GOSR2: variants seen among roughly 807,000 people sequenced by gnomAD.
The protein encoded by GOSR2 is 27 kDa Golgi SNARE protein.
A neutral mutation model predicts 27.9 loss-of-function variants in GOSR2; 20 were observed. That is an observed-to-expected ratio of 0.72 (90% CI 0.50 to 1.04). GOSR2 has a LOEUF of 1.04. Among genes scored for constraint, GOSR2 ranks in the 50% least tolerant of loss-of-function variants. The probability of loss-of-function intolerance (pLI) is 0.00; values close to 1 mark genes in which losing one functional copy is unlikely to be tolerated. For missense variants in GOSR2, 261 were observed against 270.5 expected (o/e 0.97, Z 0.25); for synonymous variants, 91 against 98.8 (o/e 0.92, Z 0.47).
chr17:46,974,987 C>CTTTTTTTT (rs58438726), intron 6 of GOSR2, among the ~76,000 whole-genome samples: 50 of 119,058 alleles, frequency 4.2e-4, no homozygotes, highest in African/African-American at 7.7e-4. Context: ...TTACTATTTT[C>CTTTTTTTT]TTTTTTTTTT....
At chr17:46,954,522 T>A (rs1249988670) in intron 6 of GOSR2, among the ~76,000 whole-genome samples, 2 of 152,206 alleles carry the variant, frequency 1.3e-5, no homozygotes, top group Non-Finnish European at 2.9e-5. Flanking sequence ...CTTTTTTGGT[T>A]CCATATGAAC....
chr17:46,975,029 A>G (rs956586903), intron 6 of GOSR2, among the ~76,000 whole-genome samples: 2 of 137,666 alleles, frequency 1.5e-5, no homozygotes, highest in African/African-American at 5.6e-5. Flanking sequence ...CAGGGAATCC[A>G]TTTCAGAGAA....
intron 1 of GOSR2, among the ~76,000 whole-genome samples, chr17:46,928,743 A>G (rs10853086): frequency 0.62 from 94,532 of 151,938 alleles, 29,678 homozygotes; most frequent in Middle Eastern, 0.68. Flanking sequence ...CCTCTCCCCC[A>G]ACCCGATTCC....
chr17:46,935,344 AAGTACCC>A (rs2088135548), intron 5 of GOSR2, 175 bp downstream of exon 5: 2 of 1,471,532 alleles, frequency 1.4e-6, no homozygotes, highest in South Asian at 2.9e-5. Context: ...GTGAGCCTGA[AAGTACCC>A]AGTTCCTTTG....
chr17:46,966,745 T>C, exon 7 of GOSR2: 1 of 479,420 alleles, frequency 2.1e-6, no homozygotes. Context: ...TTGTGCCTTG[T>C]TTCATTAAGT....
chr17:46,931,113 A>T lies in GOSR2; in HGVS notation c.109A>T (p.Ile37Phe). Residue 37 changes from isoleucine to phenylalanine, a missense_variant, in exon 3 of 6, where the codon ATC becomes TTC. Ile to Phe is a conservative substitution (Grantham distance 21). Transcript: ENST00000640051. ...TTTTTGTACAGTAGTAGAAAACGAA[A>T]TCCAAGCAAGCATAGACCAGATATT... ...KQSVHIVENE[I>F]QASIDQIFSR... 6 of 1,595,236 alleles carry T rather than the reference A, an allele frequency of 3.8e-6. No homozygotes were observed.
chr17:46,967,908 C>T (rs566319815), downstream of GOSR2, among the ~76,000 whole-genome samples: 12 of 152,192 alleles, frequency 7.9e-5, no homozygotes, highest in Admixed American at 7.9e-4. Flanking sequence ...GGGAGGTGGC[C>T]AAGAGGGAGA....
At chr17:46,938,533 G>A in intron 5 of GOSR2, 66 bp from the exon 6 acceptor site, 1 of 1,609,068 alleles carries the variant, frequency 6.2e-7, no homozygotes. Flanking sequence ...ATCTCCTGAT[G>A]CCATTCACCC....
In GOSR2 at chr17:46,965,836, G is replaced by A. The variant is rs181860179; in HGVS notation, c.584-698G>A. On this transcript the variant is annotated intron_variant, in intron 6 of 6. Coordinates refer to the GOSR2 transcript ENST00000573224. ...TGTAGAGGCGGGGTCTCATTATGTT[G>A]CCCAGGTTGGTCTTGAACTCCTGGT... is the stretch of plus-strand genomic sequence containing the variant. 1.6e-3 allele frequency among the ~76,000 whole-genome samples: 217 copies of A among 136,840 alleles called. 1 individual carries two copies. Among genetic ancestry groups the A allele is most frequent in the Middle Eastern group, 7.7e-3 (2 of 260 alleles). The allele number at this position is 136,840 out of a possible 152,430, so 89.8% of individuals were successfully genotyped here. A position where few individuals can be genotyped will look rare whatever the true frequency, so the allele number is the denominator to read the frequency against.
At chr17:46,923,862 C>A (rs1346572703) in intron 1 of GOSR2, 1 of 397,622 alleles carries the variant, frequency 2.5e-6, no homozygotes, top group Non-Finnish European at 4.4e-6. Context: ...TGCTGAGATA[C>A]GTAGTTGAGT....
chr17:46,973,591 G>A (rs542416490), intron 6 of GOSR2, among the ~76,000 whole-genome samples: 3 of 152,252 alleles, frequency 2.0e-5, no homozygotes, highest in Admixed American at 6.5e-5. Flanking sequence ...GACTGCAAGG[G>A]TGAGCAGGCG....
chr17:46,942,877 A>G (rs2089457557), downstream of GOSR2, among the ~76,000 whole-genome samples: 1 of 152,138 alleles, frequency 6.6e-6, no homozygotes, highest in Non-Finnish European at 1.5e-5. Flanking sequence ...CTGGGCCCCC[A>G]AGTGCTGTTG....
intron 6 of GOSR2, among the ~76,000 whole-genome samples, chr17:46,954,636 T>C (rs1349114795): frequency 1.3e-5 from 2 of 152,242 alleles, no homozygotes; most frequent in African/African-American, 4.8e-5. Context: ...AGTTTCATGA[T>C]ATTGATTCTT....
rs992617000 is a variant in GOSR2, at chr17:46,923,268, A to AG, written c.29+49dup. The AG allele has an allele frequency of 1.9e-6, 3 of 1,550,322 alleles. No homozygotes were observed. In the Admixed American group the frequency reaches 5.9e-5, roughly 30 times the overall value. ...GGCAGGGGCTAGACGAGGCGAGGCC[A>AG]GGTGAGCCTGGCTTCTGGGGCTGAG... On this transcript the variant is annotated intron_variant, in intron 1 of 5. Coordinates refer to ENST00000640051, the MANE Select transcript of GOSR2 (RefSeq NM_004287.5).
At chr17:46,971,389 C>G (rs2091391512), downstream of GOSR2, among the ~76,000 whole-genome samples, 1 of 151,998 alleles carries the variant, frequency 6.6e-6, no homozygotes, top group African/African-American at 2.4e-5. Context: ...GGACACACTC[C>G]ATGGCTTCTG....
chr17:46,924,697 C>A (rs1272481693), intron 1 of GOSR2, among the ~76,000 whole-genome samples: 1 of 152,244 alleles, frequency 6.6e-6, no homozygotes, highest in East Asian at 1.9e-4. Context: ...TTTGTAATGA[C>A]AGAATTTTCT....
intron 6 of GOSR2, among the ~76,000 whole-genome samples, chr17:46,972,300 C>T (rs2091401299): frequency 6.6e-6 from 1 of 152,242 alleles, no homozygotes. Flanking sequence ...TCATATGCTT[C>T]CTCTTCCCCC....
At chr17:46,937,281 C>G (rs543657215) in intron 5 of GOSR2, 1 of 152,124 alleles carries the variant, frequency 6.6e-6, no homozygotes, top group African/African-American at 2.4e-5. Flanking sequence ...TAAATATGGA[C>G]TTGACCCACC....
chr17:46,949,539 T>C (rs962062073), intron 6 of GOSR2, among the ~76,000 whole-genome samples: 3 of 152,114 alleles, frequency 2.0e-5, no homozygotes, highest in African/African-American at 7.2e-5. Flanking sequence ...TGGGATGGAA[T>C]TGACACGGTG....
Sources: allele counts gnomAD v4.1 joint callset (sites outside exome capture counted in the v4.1 genomes callset), GRCh38; gene constraint gnomAD v4.1.1; transcripts MANE v1.5; gene names NCBI Gene and HGNC (gene_info 2026-07-23, HGNC 2026-07-21).